Variants in SYNE2 observed in about 807,000 individuals in gnomAD.
SYNE2 encodes nesprin-2.
A neutral mutation model predicts 856.3 loss-of-function variants in SYNE2; 431 were observed. That is an observed-to-expected ratio of 0.50 (90% CI 0.47 to 0.55). The LOEUF is 0.55. Among genes scored for constraint, SYNE2 ranks in the 20% least tolerant of loss-of-function variants. The pLI, the probability that SYNE2 is intolerant of heterozygous loss-of-function variation, is 0.00. For missense variants in SYNE2, 8,129 were observed against 8,023.2 expected, an observed-to-expected ratio of 1.01 and a Z score of -0.50; for synonymous variants, 2,923 against 2,872.3, an observed-to-expected ratio of 1.02 and a Z score of -0.56.
chr14:64,077,369 A>G (rs1424373191), intron 54 of SYNE2, among the ~76,000 whole-genome samples: 1 of 114,014 alleles, frequency 8.8e-6, no homozygotes, highest in Non-Finnish European at 1.8e-5. Flanking sequence ...AAAAGCTAAT[A>G]TGGAACCAAA....
intron 1 of SYNE2, among the ~76,000 whole-genome samples, chr14:63,882,180 AAGC>A (rs2094880721): frequency 6.6e-6 from 1 of 152,146 alleles, no homozygotes; most frequent in Non-Finnish European, 1.5e-5. Flanking sequence ...GGGGGATGAG[AAGC>A]AGTCAGCTCT....
intron 73 of SYNE2, among the ~76,000 whole-genome samples, chr14:64,128,182 G>T (rs2097969483): frequency 6.6e-6 from 1 of 152,130 alleles, no homozygotes; most frequent in Admixed American, 6.5e-5. Context: ...GTATACTGAT[G>T]AAATGACTTG....
chr14:64,177,384 C>T lies in SYNE2; in HGVS notation c.17457C>T (p.Ile5819=). The part of the protein sequence containing the change: ...VETWDQCEKK[I]KELKSRLQVL... ...CCTGGGACCAGTGTGAAAAGAAAATCAAGGAGTTGAAAAGCAGGCTGCAAG... is the reference window on the plus strand; with the variant it reads ...CCTGGGACCAGTGTGAAAAGAAAATTAAGGAGTTGAAAAGCAGGCTGCAAG... The change falls in exon 96 of 116, where the codon ATC becomes ATT. Residue 5819 remains isoleucine (I), a synonymous_variant. Transcript: ENST00000555002. 1 of 1,614,082 alleles carries T rather than the reference C, an allele frequency of 6.2e-7. No individual in the cohort carries two copies. The highest frequency in any genetic ancestry group is 8.5e-7 in the Non-Finnish European group (1 of 1,180,008).
At chr14:64,172,900 A>C (rs1186397807) in intron 94 of SYNE2, among the ~76,000 whole-genome samples, 2 of 150,708 alleles carry the variant, frequency 1.3e-5, no homozygotes, top group Non-Finnish European at 2.9e-5. Context: ...ACACCACTGC[A>C]CTCCAGCCTG....
At position 63,941,997 on chromosome 14, in the gene SYNE2, A is replaced by C. The variant is rs763919802; in HGVS notation, c.315+35A>C. ...AATTTTTCTTAAAAATTCACAGGAG[A>C]GATTAATGCTCTGGGATATTTCCTC... On this transcript the variant is annotated intron_variant, in intron 5 of 115. Transcript: ENST00000555002. The C allele has an allele frequency of 6.2e-6, 10 of 1,601,262 alleles. No homozygotes were observed. The South Asian group carries it at 9.9e-5, about 16-fold the overall frequency.
chr14:63,940,699 GT>G, intron 3 of SYNE2, 24 bp downstream of exon 3: 1 of 1,611,032 alleles, frequency 6.2e-7, no homozygotes, highest in Non-Finnish European at 8.5e-7. Flanking sequence ...GACCAAATTA[GT>G]TTATAAATCT....
At chr14:63,993,759 T>C in intron 21 of SYNE2, 76 bp from the exon 22 acceptor site, 1 of 1,369,910 alleles carries the variant, frequency 7.3e-7, no homozygotes, top group Non-Finnish European at 1.0e-6. Flanking sequence ...ATACCAAAAT[T>C]AGCTTAGAGG....
intron 115 of SYNE2, 45 bp from the exon 116 acceptor site, chr14:64,225,274 G>A (rs1476121696): frequency 1.2e-6 from 2 of 1,613,992 alleles, no homozygotes; most frequent in African/African-American, 2.7e-5. Context: ...AGTGGGTTGT[G>A]CCTGTGGAGC....
At chr14:63,930,569 T>C (rs2095738842) in intron 2 of SYNE2, among the ~76,000 whole-genome samples, 1 of 149,728 alleles carries the variant, frequency 6.7e-6, no homozygotes, top group South Asian at 2.1e-4. Context: ...AGTCCTGCTC[T>C]CCTGCCCAGG....
intron 101 of SYNE2, 33 bp from the exon 102 acceptor site, chr14:64,209,395 A>G (rs1596242183): frequency 6.2e-7 from 1 of 1,614,118 alleles, no homozygotes; most frequent in Non-Finnish European, 8.5e-7. Context: ...CTTGGAGGGG[A>G]TGGCTTGTGT....
chr14:63,913,751 A>G (rs1294326396), intron 2 of SYNE2, among the ~76,000 whole-genome samples: 1 of 145,726 alleles, frequency 6.9e-6, no homozygotes, highest in Non-Finnish European at 1.5e-5. Flanking sequence ...CGTGAGCCAC[A>G]ACACCTGGCC....
chr14:64,152,754 C>T lies in SYNE2; in HGVS notation c.15792+38C>T, dbSNP rs745748843. ...ATTTGAAATGTGCTATTTCTCTTCA[C>T]ATATTCTTTTACCTTATTTGTCGTT... On this transcript the variant is annotated intron_variant, in intron 85 of 115. Transcript: ENST00000555002. The T allele has an allele frequency of 1.5e-5, 24 of 1,612,050 alleles. No homozygotes were observed. In the South Asian group the frequency reaches 2.0e-4, roughly 13 times the overall value.
At chr14:64,100,168 A>T (rs1000164726) in intron 63 of SYNE2, 1 of 152,058 alleles carries the variant, frequency 6.6e-6, no homozygotes, top group Non-Finnish European at 1.5e-5. Context: ...TGATGAGTTC[A>T]TGTCCTTTGT....
At position 64,051,644 on chromosome 14, in the gene SYNE2, G is replaced by A. The variant is rs1005872423; in HGVS notation, c.7731G>A (p.Leu2577=). ...IEKEKDSLGN[L]KIKWENLSNH... Reference sequence around the variant, plus strand: ...AAGAGAAAGATTCTTTAGGCAACTTGAAAATCAAATGGGAGAATTTATCAA... The same window carrying A: ...AAGAGAAAGATTCTTTAGGCAACTTAAAAATCAAATGGGAGAATTTATCAA... The change falls in exon 48 of 116, where the codon TTG becomes TTA. Residue 2577 remains leucine (L), a synonymous_variant. Transcript: ENST00000555002. 3.1e-6 allele frequency: 5 copies of A among 1,614,124 alleles called. No individual in the cohort carries two copies. The highest frequency in any genetic ancestry group is 4.2e-6 in the Non-Finnish European group (5 of 1,179,980).
chr14:64,067,661 A>G (rs925845733), intron 51 of SYNE2, among the ~76,000 whole-genome samples: 7 of 152,234 alleles, frequency 4.6e-5, no homozygotes, highest in African/African-American at 1.7e-4. Context: ...TTTTTTAAAA[A>G]TTAAATGCCT....
chr14:63,954,790 A>G lies in SYNE2; in HGVS notation c.662A>G (p.His221Arg), dbSNP rs752928692. Residue 221 changes from histidine to arginine, a missense_variant, in exon 8 of 116, where the codon CAT becomes CGT. This residue lies in a region of SYNE2 where 2,422 missense variants were observed against 2,357.4 expected (regional missense o/e 1.03). Coordinates refer to ENST00000555002, the MANE Select transcript of SYNE2 (RefSeq NM_182914.3). ...GGGATGGCTTTTTTGGCCATCATTC[A>G]TGCCTTGCGACCAGACCTAATTGAC... is the stretch of plus-strand genomic sequence containing the variant. ...RNGMAFLAII[H>R]ALRPDLIDMK... 6.2e-7 allele frequency: 1 copy of G among 1,614,082 alleles called. No homozygotes were observed. Among genetic ancestry groups the G allele is most frequent in the Non-Finnish European group, 8.5e-7 (1 of 1,179,992 alleles).
chr14:63,768,626 A>G (rs1886777795), intron 1 of SYNE2, among the ~76,000 whole-genome samples: 1 of 152,202 alleles, frequency 6.6e-6, no homozygotes. Context: ...TCAAACTCTT[A>G]GCAGCCAGGA....
intron 85 of SYNE2, among the ~76,000 whole-genome samples, chr14:64,157,263 C>T (rs934431221): frequency 6.6e-6 from 1 of 152,210 alleles, no homozygotes; most frequent in Non-Finnish European, 1.5e-5. Context: ...TTTTCCCCTT[C>T]TCCAGTCCCT....
At chr14:64,041,714 G>T (rs1461845354) in intron 45 of SYNE2, among the ~76,000 whole-genome samples, 4 of 151,948 alleles carry the variant, frequency 2.6e-5, no homozygotes, top group African/African-American at 9.7e-5. Context: ...GTTGGGTGTG[G>T]TGGTGTGTGC....
Sources: gnomAD v4.1 joint callset for allele counts (sites outside exome capture counted in the v4.1 genomes callset) on GRCh38, gnomAD v4.1.1 for gene constraint, gnomAD v4.1.1 regional missense constraint, MANE v1.5 for transcripts, NCBI Gene and HGNC (gene_info 2026-07-23, HGNC 2026-07-21) for gene names.